JAK1: variants seen among roughly 807,000 people sequenced by gnomAD.
JAK1 encodes Janus kinase 1.
A neutral mutation model predicts 136.6 loss-of-function variants in JAK1; 16 were observed. The ratio of observed to expected loss-of-function variants is 0.12; its 90% confidence interval spans 0.08 to 0.18. The LOEUF is 0.18. Among genes scored for constraint, JAK1 ranks in the 10% least tolerant of loss-of-function variants. JAK1 has a pLI of 1.00. For missense variants in JAK1, 859 were observed against 1,450.1 expected, an observed-to-expected ratio of 0.59 and a Z score of 6.62; for synonymous variants, 492 against 519.5, an observed-to-expected ratio of 0.95 and a Z score of 0.72.
At chr1:65,048,039 T>C (rs1332155029) in intron 1 of JAK1, among the ~76,000 whole-genome samples, 1 of 152,210 alleles carries the variant, frequency 6.6e-6, no homozygotes, top group Non-Finnish European at 1.5e-5. Flanking sequence ...TTCTGAATTA[T>C]TAAATAGGTG....
Position 64,839,534 on chromosome 1 carries a change from T to C in JAK1, c.2842+69A>G, listed in dbSNP as rs1018260358. On this transcript the variant is annotated intron_variant, in intron 20 of 24. Transcript: ENST00000342505. ...AGGTAAGGCCACGGAGTGCCTGTTTTGCACTGGCCTTTATGACCCTAGACA... is the reference window on the plus strand; with the variant it reads ...AGGTAAGGCCACGGAGTGCCTGTTTCGCACTGGCCTTTATGACCCTAGACA... 6 of 1,401,470 alleles carry C rather than the reference T, an allele frequency of 4.3e-6. No homozygotes were observed. In the African/African-American group the frequency reaches 5.8e-5, roughly 13 times the overall value. 86.8% of individuals were successfully genotyped at this position (1,401,470 alleles called of 1,614,324 possible).
At chr1:64,975,554 A>G (rs1046788033) in intron 2 of JAK1, among the ~76,000 whole-genome samples, 1 of 152,240 alleles carries the variant, frequency 6.6e-6, no homozygotes, top group Admixed American at 6.5e-5. Context: ...AACTATGGCC[A>G]GTTCTCAGGC....
At chr1:65,023,584 T>C (rs993699163) in intron 2 of JAK1, among the ~76,000 whole-genome samples, 4 of 151,750 alleles carry the variant, frequency 2.6e-5, no homozygotes, top group Non-Finnish European at 4.4e-5. Flanking sequence ...CCTGGGTTCA[T>C]GCCATTCTCC....
rs138026448 is a variant in JAK1 at position 65,055,538 on chromosome 1, G to A, written c.-180-10956C>T. Among the ~76,000 whole-genome samples the A allele has an allele frequency of 2.2e-3, 336 of 152,182 alleles. 1 individual carries two copies. The highest frequency in any genetic ancestry group is 3.3e-3 in the Admixed American group (50 of 15,296). On this transcript the variant is annotated intron_variant, in intron 1 of 25. Transcript: ENST00000671954. ...CAGAAGTGGAAATGCTGGATTATAC[G>A]GTATTCCTAGGTTTAATTGCAATCT... is the stretch of plus-strand genomic sequence containing the variant.
At chr1:64,963,520 C>T (rs1192148404) in intron 1 of JAK1, among the ~76,000 whole-genome samples, 1 of 152,130 alleles carries the variant, frequency 6.6e-6, no homozygotes, top group Non-Finnish European at 1.5e-5. Context: ...TCAAACCATC[C>T]ACAGGCGGCT....
At chr1:65,063,033 C>A (rs1569977925) in intron 1 of JAK1, among the ~76,000 whole-genome samples, 1 of 152,308 alleles carries the variant, frequency 6.6e-6, no homozygotes, top group African/African-American at 2.4e-5. Context: ...TTAGACAAAA[C>A]AAAACCCAAA....
At chr1:64,839,029 C>T (rs561588392) in intron 20 of JAK1, among the ~76,000 whole-genome samples, 1 of 150,408 alleles carries the variant, frequency 6.6e-6, no homozygotes, top group East Asian at 2.0e-4. Context: ...GCCTGTAGTC[C>T]CAGCTACTCG....
At chr1:64,998,881 T>C (rs1400458096) in intron 2 of JAK1, among the ~76,000 whole-genome samples, 1 of 152,222 alleles carries the variant, frequency 6.6e-6, no homozygotes, top group African/African-American at 2.4e-5. Flanking sequence ...CTTTTGTAAA[T>C]TGCCCAGTTT....
intron 2 of JAK1, chr1:65,022,948 A>G (rs986147318): frequency 1.3e-5 from 2 of 152,140 alleles, no homozygotes; most frequent in African/African-American, 2.4e-5. Flanking sequence ...TTTTTTTCTC[A>G]TGAAAAGTGA....
chr1:64,913,410 C>T (rs985894789), intron 1 of JAK1, among the ~76,000 whole-genome samples: 1 of 152,096 alleles, frequency 6.6e-6, no homozygotes, highest in Non-Finnish European at 1.5e-5. Context: ...ACTCACTCAA[C>T]ACCATGGCTC....
chr1:65,062,895 G>C (rs940626030), intron 1 of JAK1, among the ~76,000 whole-genome samples: 2 of 152,184 alleles, frequency 1.3e-5, no homozygotes, highest in African/African-American at 4.8e-5. Flanking sequence ...TTATCAACAA[G>C]AGTATGTTTA....
chr1:64,890,417 T>C (rs1019977368), intron 1 of JAK1, among the ~76,000 whole-genome samples: 2 of 152,224 alleles, frequency 1.3e-5, no homozygotes, highest in Admixed American at 1.3e-4. Flanking sequence ...ACTAACTCTA[T>C]ACTAGCAAGT....
At chr1:65,049,535 T>G (rs1647228374) in intron 1 of JAK1, among the ~76,000 whole-genome samples, 1 of 152,178 alleles carries the variant, frequency 6.6e-6, no homozygotes, top group Admixed American at 6.5e-5. Context: ...CCACCCACCT[T>G]GGTGGGCATG....
At chr1:65,053,659 T>A (rs373518793) in intron 1 of JAK1, among the ~76,000 whole-genome samples, 1 of 152,260 alleles carries the variant, frequency 6.6e-6, no homozygotes, top group East Asian at 1.9e-4. Context: ...AAGATCAGCC[T>A]GAGAAACAGT....
intron 6 of JAK1, among the ~76,000 whole-genome samples, chr1:64,868,218 A>G (rs1336375074): frequency 6.6e-6 from 1 of 152,206 alleles, no homozygotes. Context: ...ATACTGCTAG[A>G]ACGGGAGTCA....
intron 20 of JAK1, among the ~76,000 whole-genome samples, 179 bp from the exon 21 acceptor site, chr1:64,838,768 A>T (rs922087690): frequency 6.6e-6 from 1 of 152,178 alleles, no homozygotes. Flanking sequence ...AGATGGTAAC[A>T]ATGGTGTACC....
At chr1:64,910,563 G>A (rs183526272) in intron 1 of JAK1, among the ~76,000 whole-genome samples, 83 of 152,284 alleles carry the variant, frequency 5.5e-4, no homozygotes, top group Admixed American at 9.8e-4. Flanking sequence ...GCCAGGTGTG[G>A]TGGCTCACGC....
rs1459747035 is a variant in JAK1 at position 64,844,259 on chromosome 1, C to T, written c.2252-44G>A. 6.2e-7 allele frequency: 1 copy of T among 1,610,652 alleles called. No homozygotes were observed. On this transcript the variant is annotated intron_variant, in intron 16 of 24. Transcript: ENST00000342505. The surrounding 1 kb of genome is among the most constrained non-coding windows in gnomAD (Gnocchi z 5.7). ...ACTGATGGAGCAGTTTCTGGGATCT[C>T]CTAGGGATTCAATTACTGTCACTGC...
intron 4 of JAK1, among the ~76,000 whole-genome samples, chr1:64,877,904 G>A (rs1644699147): frequency 1.3e-5 from 2 of 152,196 alleles, no homozygotes; most frequent in South Asian, 4.1e-4. Context: ...CTCTCCAGGT[G>A]AGACTTTGGT....
Sources: allele counts gnomAD v4.1 joint callset (sites outside exome capture counted in the v4.1 genomes callset), GRCh38; gene constraint gnomAD v4.1.1; non-coding constraint Gnocchi (gnomAD v3.1); transcripts MANE v1.5; gene names NCBI Gene and HGNC (gene_info 2026-07-23, HGNC 2026-07-21).